The following GARRE1 variants were observed in gnomAD, a reference collection of about 807,000 sequenced individuals.
GARRE1 encodes granule associated Rac and RHOG effector protein 1.
A neutral mutation model predicts 103.2 loss-of-function variants in GARRE1; 49 were observed. That is an observed-to-expected ratio of 0.47 (90% CI 0.38 to 0.60). GARRE1 has a LOEUF of 0.60. GARRE1 is among the 20% of genes least tolerant of loss of function. The pLI, the probability that GARRE1 is intolerant of heterozygous loss-of-function variation, is 0.00. For synonymous variants in GARRE1, 505 were observed against 532.8 expected (o/e 0.95, Z 0.72); for missense variants, 1,199 against 1,370.5 (o/e 0.87, Z 1.98).
In GARRE1 at chr19:34,296,458, G is replaced by A. The variant is rs2073948146; in HGVS notation, c.-795-3221G>A. 9 of 1,592,950 alleles carry A rather than the reference G, an allele frequency of 5.6e-6. No individual in the cohort carries two copies. In the Admixed American group the frequency reaches 1.5e-4, roughly 27 times the overall value. On this transcript the variant is annotated intron_variant, in intron 1 of 13. Coordinates refer to ENST00000299505, the MANE Select transcript of GARRE1 (RefSeq NM_014686.5). Reference sequence around the variant, plus strand: ...AGCTTGGGGTGGGCAATGTAGGCAAGTCGATCGAGCTTGTGGCTGACACCC... The same window carrying A: ...AGCTTGGGGTGGGCAATGTAGGCAAATCGATCGAGCTTGTGGCTGACACCC...
At chr19:34,298,577 G>A (rs1276827219) in intron 1 of GARRE1, among the ~76,000 whole-genome samples, 1 of 151,824 alleles carries the variant, frequency 6.6e-6, no homozygotes, top group Non-Finnish European at 1.5e-5. Flanking sequence ...GCCAGGCATG[G>A]TGGGCGCTTG....
At position 34,293,781 on chromosome 19, in the gene GARRE1, C is replaced by T. The variant is rs1437083742; in HGVS notation, c.-795-5898C>T. Among the ~76,000 whole-genome samples the T allele has an allele frequency of 8.3e-5, 6 of 71,892 alleles. No individual in the cohort carries two copies. In the East Asian group the frequency reaches 2.1e-3, roughly 25 times the overall value. 47.2% of individuals were successfully genotyped at this position (71,892 alleles called of 152,430 possible). ...TTTTTTTTTTTTTTTTTTTTTGAGA[C>T]GGAGCCTTACTCTGTCACCCAGGCT... On this transcript the variant is annotated intron_variant, in intron 1 of 13. Transcript: ENST00000299505.
rs148942777 is a variant in GARRE1 at position 34,350,604 on chromosome 19, C to T, written c.2826-910C>T. Among the ~76,000 whole-genome samples, 294 of 152,136 alleles carry T rather than the reference C, an allele frequency of 1.9e-3. 3 individuals carry two copies. The highest frequency in any genetic ancestry group is 5.1e-3 in the African/African-American group (210 of 41,542). ...TCTCTCTTTTTTTGTTTTTTTGAGA[C>T]GGAGTCTCGCTCTGTTGCCCAGGCT... On this transcript the variant is annotated intron_variant, in intron 12 of 13. Coordinates refer to ENST00000299505, the MANE Select transcript of GARRE1 (RefSeq NM_014686.5).
intron 2 of GARRE1, among the ~76,000 whole-genome samples, chr19:34,307,599 GCA>G (rs1023472807): frequency 1.4e-5 from 2 of 139,736 alleles, no homozygotes; most frequent in African/African-American, 5.2e-5. Flanking sequence ...ATACACATAC[GCA>G]CACACATACA....
rs2074237588 is a variant in GARRE1 at position 34,351,591 on chromosome 19, A to C, written c.2903A>C (p.Gln968Pro). Residue 968 changes from glutamine (Q) to proline (P), a missense_variant and splice_region_variant, in exon 13 of 14, where the codon CAG becomes CCG. Coordinates refer to ENST00000299505, the MANE Select transcript of GARRE1 (RefSeq NM_014686.5). ...PLLTTVEDVNQDNKTKTWPPK... is the reference protein window; with the variant it reads ...PLLTTVEDVNPDNKTKTWPPK... Reference sequence around the variant, plus strand: ...CTCACCACGGTGGAGGATGTGAACCAGGTATTCAGGCAGGCTCTGTGGGCA... The same window carrying C: ...CTCACCACGGTGGAGGATGTGAACCCGGTATTCAGGCAGGCTCTGTGGGCA... 6.2e-7 allele frequency: 1 copy of C among 1,611,540 alleles called. No individual in the cohort carries two copies. Among genetic ancestry groups the C allele is most frequent in the Non-Finnish European group, 8.5e-7 (1 of 1,177,894 alleles).
chr19:34,320,736 T>G (rs1209235280), intron 3 of GARRE1, among the ~76,000 whole-genome samples: 1 of 151,448 alleles, frequency 6.6e-6, no homozygotes, highest in African/African-American at 2.4e-5. Flanking sequence ...TCTTTTTTTT[T>G]TTTGAGACAG....
chr19:34,269,420 T>G (rs767475006), intron 1 of GARRE1, among the ~76,000 whole-genome samples: 2 of 152,254 alleles, frequency 1.3e-5, no homozygotes, highest in African/African-American at 4.8e-5. Context: ...TGGCACTGAT[T>G]AGAATGTTTA....
intron 1 of GARRE1, among the ~76,000 whole-genome samples, chr19:34,257,953 G>C (rs1291068876): frequency 1.4e-5 from 2 of 146,694 alleles, no homozygotes; most frequent in East Asian, 4.0e-4. Context: ...GCAGTGGCTC[G>C]GTCTCAGCTC....
chr19:34,297,482 A>G (rs558525734), intron 1 of GARRE1, among the ~76,000 whole-genome samples: 161 of 152,302 alleles, frequency 1.1e-3, no homozygotes, highest in Non-Finnish European at 2.1e-3. Flanking sequence ...TGTCAAAGGA[A>G]TGGGGGCAGG....
chr19:34,278,110 A>G (rs1450027408), intron 1 of GARRE1, among the ~76,000 whole-genome samples: 1 of 152,002 alleles, frequency 6.6e-6, no homozygotes, highest in African/African-American at 2.4e-5. Context: ...TTGTGCAGCC[A>G]TCACCACCAT....
In GARRE1 at chr19:34,347,939, C is replaced by T. The variant is rs755371136; in HGVS notation, c.2584C>T (p.Arg862Trp). The T allele has an allele frequency of 2.4e-5, 38 of 1,592,752 alleles. No homozygotes were observed. In the African/African-American group the frequency reaches 2.4e-4, roughly 10 times the overall value. ...AGVSQAMQQK[R>W]QAQHGRRPGN... ...AGTGAGCCAGGCGATGCAGCAGAAG[C>T]GGCAGGCCCAGCACGGTCGCCGGCC... Residue 862 changes from arginine (R) to tryptophan (W), a missense_variant, in exon 11 of 14, where the codon CGG becomes TGG. Physicochemically the swap from Arg to Trp is moderately radical, Grantham distance 101. Transcript: ENST00000299505.
chr19:34,260,848 T>C (rs1206951313), intron 1 of GARRE1, among the ~76,000 whole-genome samples: 1 of 152,258 alleles, frequency 6.6e-6, no homozygotes, highest in Non-Finnish European at 1.5e-5. Context: ...GGAATGTGTT[T>C]GTAGCTGGAA....
At chr19:34,281,538 C>T (rs1402514684) in intron 1 of GARRE1, among the ~76,000 whole-genome samples, 1 of 152,180 alleles carries the variant, frequency 6.6e-6, no homozygotes, top group Non-Finnish European at 1.5e-5. Context: ...ATCTGCCTGC[C>T]TCTGCCTCCC....
At chr19:34,294,297 G>T (rs1170580681) in intron 1 of GARRE1, among the ~76,000 whole-genome samples, 1 of 151,780 alleles carries the variant, frequency 6.6e-6, no homozygotes, top group Non-Finnish European at 1.5e-5. Flanking sequence ...GGTGGTGCAT[G>T]CCTGAGGTCC....
At chr19:34,343,286 C>G (rs906859684) in intron 10 of GARRE1, among the ~76,000 whole-genome samples, 1 of 151,936 alleles carries the variant, frequency 6.6e-6, no homozygotes, top group Admixed American at 6.6e-5. Flanking sequence ...AAACCCTCAT[C>G]TCTACTAAAA....
chr19:34,262,779 G>A (rs2073726911), intron 1 of GARRE1, among the ~76,000 whole-genome samples: 1 of 152,178 alleles, frequency 6.6e-6, no homozygotes, highest in Non-Finnish European at 1.5e-5. Flanking sequence ...AATAAAAACA[G>A]GACAGGTGCA....
At chr19:34,274,229 A>T (rs1339467193) in intron 1 of GARRE1, among the ~76,000 whole-genome samples, 2 of 152,034 alleles carry the variant, frequency 1.3e-5, no homozygotes, top group Non-Finnish European at 2.9e-5. Context: ...AATATGGAGA[A>T]ACCCCGTCTG....
intron 1 of GARRE1, among the ~76,000 whole-genome samples, chr19:34,256,026 A>G (rs764926202): frequency 5.3e-5 from 8 of 151,568 alleles, no homozygotes; most frequent in Non-Finnish European, 8.8e-5. Context: ...TTTAGTAGAG[A>G]CAGGGTTTCG....
At chr19:34,301,440 G>A (rs2073977971) in intron 2 of GARRE1, among the ~76,000 whole-genome samples, 1 of 148,120 alleles carries the variant, frequency 6.8e-6, no homozygotes, top group Admixed American at 6.8e-5. Flanking sequence ...CTTGAGCCCA[G>A]GAGTTTGAGG....
Sources: allele counts gnomAD v4.1 joint callset (sites outside exome capture counted in the v4.1 genomes callset), GRCh38; gene constraint gnomAD v4.1.1; transcripts MANE v1.5; gene names NCBI Gene and HGNC (gene_info 2026-07-23, HGNC 2026-07-21).